ZNF438: variants seen among roughly 807,000 people sequenced by gnomAD.
ZNF438 encodes zinc finger protein 438.
In ZNF438, 25 loss-of-function variants were observed where a neutral mutation model predicts 38.0. That is an observed-to-expected ratio of 0.66 (90% confidence interval 0.48 to 0.92). The LOEUF is 0.92. Among genes scored for constraint, ZNF438 ranks in the 40% least tolerant of loss-of-function variants. ZNF438 has a pLI of 0.00. For synonymous variants in ZNF438, 372 were observed against 364.1 expected (o/e 1.02, Z -0.25); for missense variants, 1,007 against 999.6 (o/e 1.01, Z -0.10).
chr10:30,975,856 C>T (rs2051278721), intron 1 of ZNF438, among the ~76,000 whole-genome samples: 1 of 151,432 alleles, frequency 6.6e-6, no homozygotes, highest in African/African-American at 2.4e-5. Context: ...ATTCTTTATG[C>T]CCATATAAAA....
chr10:31,010,904 A>G lies in ZNF438; in HGVS notation c.-192+20929T>C, dbSNP rs994309216. 3.6e-3 allele frequency among the ~76,000 whole-genome samples: 127 copies of G among 35,156 alleles called. 2 individuals are homozygous for G. Among genetic ancestry groups the G allele is most frequent in the Middle Eastern group, 0.025 (1 of 40 alleles). 23.1% of individuals were successfully genotyped at this position (35,156 alleles called of 152,430 possible). ...TGAGACCCTGTTTGAAAAAAAAAAAAAAAAAAAAAAAAAAAAAAGATTTTG... is the reference window on the plus strand; with the variant it reads ...TGAGACCCTGTTTGAAAAAAAAAAAGAAAAAAAAAAAAAAAAAAGATTTTG... On this transcript the variant is annotated intron_variant, in intron 1 of 5. Coordinates refer to ENST00000413025, the Ensembl canonical transcript of ZNF438.
chr10:30,911,717 C>T (rs976013411), intron 2 of ZNF438, among the ~76,000 whole-genome samples: 1 of 152,128 alleles, frequency 6.6e-6, no homozygotes, highest in African/African-American at 2.4e-5. Flanking sequence ...ACCTGCTCTC[C>T]TTAACTCCTC....
At chr10:30,859,086 T>A (rs117324848) in intron 4 of ZNF438, among the ~76,000 whole-genome samples, 39 of 152,242 alleles carry the variant, frequency 2.6e-4, no homozygotes, top group African/African-American at 9.4e-4. Context: ...CACTGTTGTA[T>A]CTGTTTGTTT....
intron 1 of ZNF438, among the ~76,000 whole-genome samples, chr10:31,010,892 GAAAAAAA>G (rs563189482): frequency 2.0e-3 from 185 of 92,572 alleles, no homozygotes; most frequent in African/African-American, 8.8e-3. Context: ...GACCCTGTTT[GAAAAAAA>G]AAAAAAAAAA....
intron 1 of ZNF438, among the ~76,000 whole-genome samples, chr10:31,027,537 A>G (rs1043412893): frequency 6.6e-6 from 1 of 152,144 alleles, no homozygotes; most frequent in Non-Finnish European, 1.5e-5. Flanking sequence ...TTAAATAACC[A>G]TCAACCTGCC....
At chr10:31,011,824 T>C (rs781165953) in intron 1 of ZNF438, among the ~76,000 whole-genome samples, 50 of 152,242 alleles carry the variant, frequency 3.3e-4, no homozygotes, top group Admixed American at 3.3e-4. Flanking sequence ...ACAGATGTTA[T>C]GTCTCTGACT....
At chr10:30,868,583 A>G (rs1346409239) in intron 4 of ZNF438, among the ~76,000 whole-genome samples, 3 of 152,162 alleles carry the variant, frequency 2.0e-5, no homozygotes, top group Non-Finnish European at 4.4e-5. Flanking sequence ...TTCTATTCCT[A>G]TTGCTATTAG....
intron 1 of ZNF438, among the ~76,000 whole-genome samples, chr10:30,985,450 C>T (rs962058985): frequency 6.6e-6 from 1 of 152,150 alleles, no homozygotes; most frequent in Non-Finnish European, 1.5e-5. Flanking sequence ...CTGGTTGGCT[C>T]CATTAACAGA....
intron 4 of ZNF438, among the ~76,000 whole-genome samples, chr10:30,855,960 T>A (rs2034554481): frequency 6.6e-6 from 1 of 152,236 alleles, no homozygotes; most frequent in South Asian, 2.1e-4. Context: ...GAATACGCTC[T>A]GTGCCTGGCA....
chr10:30,869,190 C>T (rs865922031), intron 4 of ZNF438, among the ~76,000 whole-genome samples: 5 of 152,044 alleles, frequency 3.3e-5, no homozygotes, highest in East Asian at 3.9e-4. Flanking sequence ...CTGGCTAACA[C>T]GGTGAAACCC....
chr10:30,907,273 C>A (rs553984740), intron 3 of ZNF438, among the ~76,000 whole-genome samples: 3 of 152,180 alleles, frequency 2.0e-5, no homozygotes, highest in Non-Finnish European at 2.9e-5. Flanking sequence ...CCACACCTGG[C>A]AAGAATTTTT....
intron 1 of ZNF438, among the ~76,000 whole-genome samples, chr10:31,016,482 GA>G (rs2056204922): frequency 6.6e-6 from 1 of 152,096 alleles, no homozygotes; most frequent in Admixed American, 6.5e-5. Context: ...GATAAAAAAA[GA>G]ATTTATTTCT....
intron 2 of ZNF438, among the ~76,000 whole-genome samples, chr10:30,940,225 A>G (rs2046673045): frequency 6.6e-6 from 1 of 152,274 alleles, no homozygotes; most frequent in African/African-American, 2.4e-5. Flanking sequence ...TGAAAGCTGT[A>G]GGAAACAAAA....
intron 2 of ZNF438, chr10:30,923,363 T>A (rs2044542075): frequency 6.6e-6 from 1 of 152,216 alleles, no homozygotes; most frequent in African/African-American, 2.4e-5. Flanking sequence ...TCCAATGTTG[T>A]TTTCATTTGA....
chr10:30,949,747 C>G (rs962190732), intron 1 of ZNF438, among the ~76,000 whole-genome samples: 1 of 151,762 alleles, frequency 6.6e-6, no homozygotes, highest in African/African-American at 2.4e-5. Flanking sequence ...ATTCATAAAG[C>G]AAGTCCTGAG....
chr10:30,847,376 G>C (rs1423149883), intron 5 of ZNF438, among the ~76,000 whole-genome samples: 1 of 152,196 alleles, frequency 6.6e-6, no homozygotes, highest in African/African-American at 2.4e-5. Context: ...TCTGCTGAGA[G>C]CACAAGAGAT....
chr10:30,845,651 T>A (rs961666254), intron 5 of ZNF438, 78 bp from the exon 7 acceptor site: 1 of 1,512,278 alleles, frequency 6.6e-7, no homozygotes, highest in African/African-American at 1.4e-5. Flanking sequence ...CTGTCAGCCT[T>A]CAGGGATCTA....
chr10:30,901,207 T>C (rs987722196), intron 3 of ZNF438, among the ~76,000 whole-genome samples: 1 of 152,238 alleles, frequency 6.6e-6, no homozygotes, highest in African/African-American at 2.4e-5. Context: ...CAGTTGGTTC[T>C]GTGTGCTGGC....
chr10:30,885,021 T>C (rs2039769501), intron 3 of ZNF438, among the ~76,000 whole-genome samples: 1 of 152,028 alleles, frequency 6.6e-6, no homozygotes, highest in Admixed American at 6.5e-5. Context: ...AGTCACAGAG[T>C]TGCGATGTAG....
Sources: allele counts gnomAD v4.1 joint callset (sites outside exome capture counted in the v4.1 genomes callset), GRCh38; gene constraint gnomAD v4.1.1; transcripts MANE v1.5; gene names NCBI Gene and HGNC (gene_info 2026-07-23, HGNC 2026-07-21).